Variants in PPFIA2 observed in about 807,000 individuals in gnomAD.
PPFIA2 encodes the protein PPFI scaffold protein A2.
PPFIA2 carries 46 observed loss-of-function variants against 175.5 expected under a neutral mutation model. The observed-to-expected ratio is 0.26, with a 90% CI of 0.21 to 0.34. The LOEUF (loss-of-function observed/expected upper bound fraction) is 0.34. Among genes scored for constraint, PPFIA2 ranks in the 10% least tolerant of loss-of-function variants. The pLI is 1.00. For synonymous variants in PPFIA2, 568 were observed against 511.4 expected (o/e 1.11, Z -1.49); for missense variants, 1,179 against 1,506.1 (o/e 0.78, Z 3.60).
At chr12:81,427,755 C>T (rs1396951747) in intron 7 of PPFIA2, among the ~76,000 whole-genome samples, 3 of 151,940 alleles carry the variant, frequency 2.0e-5, no homozygotes, top group Admixed American at 6.6e-5. Flanking sequence ...CCAATAATAG[C>T]AATACAACTT....
intron 4 of PPFIA2, among the ~76,000 whole-genome samples, chr12:81,586,757 A>T (rs1359301663): frequency 6.6e-6 from 1 of 151,902 alleles, no homozygotes; most frequent in African/African-American, 2.4e-5. Context: ...AATATATTTT[A>T]CTGAGCTTCC....
chr12:81,267,373 T>C, intron 29 of PPFIA2: 1 of 360,574 alleles, frequency 2.8e-6, no homozygotes, highest in Non-Finnish European at 5.3e-6. Flanking sequence ...ATTGAATCTA[T>C]GTAGGTAGTT....
chr12:81,559,632 G>C (rs2153386975), intron 4 of PPFIA2, among the ~76,000 whole-genome samples: 1 of 152,124 alleles, frequency 6.6e-6, no homozygotes, highest in South Asian at 2.1e-4. Context: ...CTTAAGAATG[G>C]GTTCAATTGC....
chr12:81,366,322 C>G (rs1443461161), intron 14 of PPFIA2, among the ~76,000 whole-genome samples: 1 of 151,416 alleles, frequency 6.6e-6, no homozygotes. Flanking sequence ...TACCACATAC[C>G]CTACAACAGG....
At chr12:81,640,912 T>G (rs1042303121) in intron 4 of PPFIA2, among the ~76,000 whole-genome samples, 5 of 151,938 alleles carry the variant, frequency 3.3e-5, no homozygotes, top group African/African-American at 1.2e-4. Flanking sequence ...TTAAAAAAAA[T>G]TAAGTTGTTT....
intron 4 of PPFIA2, among the ~76,000 whole-genome samples, chr12:81,477,236 A>G (rs2146520497): frequency 6.6e-6 from 1 of 152,236 alleles, no homozygotes; most frequent in African/African-American, 2.4e-5. Context: ...AAAGAAAAAA[A>G]AGGAAATTTA....
At position 81,446,356 on chromosome 12, in the gene PPFIA2, A is replaced by G. The variant is rs1396791842; in HGVS notation, c.406-636T>C. ...ATTTCCCAGAGTAGCCTCTGGGGCC[A>G]TGACAGAGGTGGAGGGAAAGTCCCT... On this transcript the variant is annotated intron_variant, in intron 5 of 32. Transcript: ENST00000549396. Among the ~76,000 whole-genome samples, 4 of 152,316 alleles carry G rather than the reference A, an allele frequency of 2.6e-5. No homozygotes were observed. In the East Asian group the frequency reaches 5.8e-4, roughly 22 times the overall value.
intron 24 of PPFIA2, among the ~76,000 whole-genome samples, chr12:81,289,017 A>G (rs1307133698): frequency 6.6e-6 from 1 of 151,864 alleles, no homozygotes; most frequent in African/African-American, 2.4e-5. Context: ...TGTGCTTGTT[A>G]GGAGAAAACC....
intron 4 of PPFIA2, among the ~76,000 whole-genome samples, chr12:81,530,302 C>A (rs1221251127): frequency 2.6e-5 from 4 of 151,820 alleles, no homozygotes; most frequent in African/African-American, 9.7e-5. Context: ...ATTCAGAATA[C>A]AAATGAACAC....
At chr12:81,643,507 A>G (rs1254152238) in intron 4 of PPFIA2, among the ~76,000 whole-genome samples, 1 of 152,032 alleles carries the variant, frequency 6.6e-6, no homozygotes, top group Non-Finnish European at 1.5e-5. Flanking sequence ...CTTGAATTAC[A>G]TTTGGTAATA....
intron 20 of PPFIA2, 131 bp downstream of exon 20, chr12:81,340,947 G>T (rs917264661): frequency 9.9e-6 from 10 of 1,006,032 alleles, no homozygotes; most frequent in Non-Finnish European, 1.1e-5. Flanking sequence ...AAGTGATACT[G>T]GGAAAGGGAA....
intron 4 of PPFIA2, among the ~76,000 whole-genome samples, chr12:81,574,433 G>C (rs534359279): frequency 7.3e-5 from 11 of 151,426 alleles, no homozygotes. Flanking sequence ...TTTAAAGAAA[G>C]AGCTTACAAA....
intron 4 of PPFIA2, among the ~76,000 whole-genome samples, chr12:81,648,787 A>G (rs1188353631): frequency 6.6e-6 from 1 of 150,834 alleles, no homozygotes; most frequent in Admixed American, 6.6e-5. Flanking sequence ...GCAAAAAGAT[A>G]GACTTACAGA....
At chr12:81,753,097 G>A (rs1255179541) in intron 3 of PPFIA2, among the ~76,000 whole-genome samples, 1 of 152,002 alleles carries the variant, frequency 6.6e-6, no homozygotes, top group Non-Finnish European at 1.5e-5. Context: ...ACCACACCCA[G>A]CTAATTTTTT....
intron 4 of PPFIA2, among the ~76,000 whole-genome samples, chr12:81,657,723 A>G (rs2068014969): frequency 6.6e-6 from 1 of 152,208 alleles, no homozygotes. Flanking sequence ...TAATTGCTAA[A>G]GTCTGTAGAA....
At chr12:81,468,373 A>G (rs2056116533) in intron 4 of PPFIA2, among the ~76,000 whole-genome samples, 1 of 152,212 alleles carries the variant, frequency 6.6e-6, no homozygotes, top group African/African-American at 2.4e-5. Flanking sequence ...CAGGCCCAGT[A>G]AGCATTGTAG....
chr12:81,335,411 G>C (rs1334272133), intron 21 of PPFIA2, among the ~76,000 whole-genome samples: 1 of 152,040 alleles, frequency 6.6e-6, no homozygotes. Context: ...AACCAAACCT[G>C]TTTATTTAAT....
At chr12:81,385,943 A>C (rs1197136976) in intron 8 of PPFIA2, among the ~76,000 whole-genome samples, 1 of 152,056 alleles carries the variant, frequency 6.6e-6, no homozygotes, top group Non-Finnish European at 1.5e-5. Flanking sequence ...AAAACATTAC[A>C]TTGTAACTCA....
intron 4 of PPFIA2, among the ~76,000 whole-genome samples, chr12:81,669,449 A>G (rs2071003377): frequency 6.6e-6 from 1 of 152,148 alleles, no homozygotes; most frequent in African/African-American, 2.4e-5. Context: ...AGTATTATAA[A>G]TCTTTATTCT....
Sources: allele counts gnomAD v4.1 joint callset (sites outside exome capture counted in the v4.1 genomes callset), GRCh38; gene constraint gnomAD v4.1.1; transcripts MANE v1.5; gene names NCBI Gene and HGNC (gene_info 2026-07-23, HGNC 2026-07-21).